Variants in KCNQ5 observed in about 807,000 individuals in gnomAD.
KCNQ5 encodes potassium voltage-gated channel subfamily Q member 5.
Under a neutral mutation model 98.2 loss-of-function variants are expected in KCNQ5, and 30 were observed. The ratio of observed to expected loss-of-function variants is 0.31; its 90% CI spans 0.23 to 0.41. KCNQ5 has a LOEUF of 0.41. Among genes scored for constraint, KCNQ5 ranks in the 10% least tolerant of loss-of-function variants. The pLI is 1.00. For synonymous variants in KCNQ5, 458 were observed against 449.4 expected (o/e 1.02, Z -0.24); for missense variants, 835 against 1,182.5 (o/e 0.71, Z 4.31).
chr6:72,920,596 AT>A (rs1214555488), intron 1 of KCNQ5, among the ~76,000 whole-genome samples: 1 of 151,944 alleles, frequency 6.6e-6, no homozygotes, highest in Non-Finnish European at 1.5e-5. Flanking sequence ...AACCTTTAAC[AT>A]TTTTCTGACA....
At chr6:72,979,489 G>C (rs562093597) in intron 1 of KCNQ5, among the ~76,000 whole-genome samples, 31 of 152,276 alleles carry the variant, frequency 2.0e-4, no homozygotes, top group Non-Finnish European at 3.7e-4. Flanking sequence ...AGAAGTGTCT[G>C]TTCATATCCT....
chr6:72,689,847 G>A (rs1768127488), intron 1 of KCNQ5, among the ~76,000 whole-genome samples: 1 of 151,172 alleles, frequency 6.6e-6, no homozygotes, highest in Admixed American at 6.6e-5. Context: ...CCCATAGTAA[G>A]TTGACAGTAA....
intron 1 of KCNQ5, among the ~76,000 whole-genome samples, chr6:72,973,050 TC>T (rs1328581495): frequency 2.0e-5 from 3 of 152,126 alleles, no homozygotes; most frequent in African/African-American, 7.2e-5. Flanking sequence ...GTTCACTAAA[TC>T]AAACTGAAAA....
intron 2 of KCNQ5, among the ~76,000 whole-genome samples, chr6:73,021,605 G>T (rs1770609430): frequency 6.6e-6 from 1 of 152,134 alleles, no homozygotes; most frequent in Non-Finnish European, 1.5e-5. Flanking sequence ...TCAGTGCCTG[G>T]AGCAAAAGAG....
intron 1 of KCNQ5, among the ~76,000 whole-genome samples, chr6:72,818,177 A>G (rs181354092): frequency 1.3e-5 from 2 of 152,320 alleles, no homozygotes; most frequent in Admixed American, 1.3e-4. Flanking sequence ...ATTCACACAT[A>G]CTTATTTAAA....
chr6:72,806,552 G>A (rs983767215), intron 1 of KCNQ5, among the ~76,000 whole-genome samples: 1 of 152,142 alleles, frequency 6.6e-6, no homozygotes, highest in Non-Finnish European at 1.5e-5. Flanking sequence ...AGCAACAGAC[G>A]AAGTAAGGCA....
intron 1 of KCNQ5, among the ~76,000 whole-genome samples, chr6:72,670,569 T>A (rs1440745879): frequency 6.6e-6 from 1 of 152,208 alleles, no homozygotes; most frequent in Admixed American, 6.5e-5. Flanking sequence ...AATGCCATAG[T>A]GGTATTAAAC....
chr6:72,702,629 A>G (rs991755899), intron 1 of KCNQ5, among the ~76,000 whole-genome samples: 1 of 152,190 alleles, frequency 6.6e-6, no homozygotes, highest in Non-Finnish European at 1.5e-5. Flanking sequence ...GAAGCATCAG[A>G]TAAGTTGTGA....
chr6:72,636,662 C>A (rs990572385), intron 1 of KCNQ5, among the ~76,000 whole-genome samples: 2 of 152,092 alleles, frequency 1.3e-5, no homozygotes, highest in Non-Finnish European at 2.9e-5. Flanking sequence ...TATAATTCTT[C>A]AATGTTTGTT....
At chr6:72,792,948 A>C (rs1013004797) in intron 1 of KCNQ5, among the ~76,000 whole-genome samples, 55 of 152,334 alleles carry the variant, frequency 3.6e-4, no homozygotes, top group African/African-American at 1.2e-3. Flanking sequence ...TTGTTCTAAA[A>C]AGTCTCCATG....
intron 10 of KCNQ5, 123 bp from the exon 11 acceptor site, chr6:73,169,623 A>T: frequency 1.4e-6 from 1 of 695,950 alleles, no homozygotes; most frequent in Non-Finnish European, 2.6e-6. Flanking sequence ...GGCTGACCTT[A>T]TACATATCTT....
In KCNQ5 at chr6:73,194,435, A is replaced by G; in HGVS notation, c.1837-17A>G. On this transcript the variant is annotated splice_polypyrimidine_tract_variant and intron_variant, in intron 13 of 13. Transcript: ENST00000370398. ...TAACAGATTATACTCATGTGTAACC[A>G]TTTTCCTCACTTCTAGGTACAGTCC... is the stretch of plus-strand genomic sequence containing the variant. 2 of 1,589,256 alleles carry G rather than the reference A, an allele frequency of 1.3e-6. No individual in the cohort carries two copies. Among genetic ancestry groups the G allele is most frequent in the East Asian group, 2.2e-5 (1 of 44,450 alleles).
chr6:72,803,101 A>G (rs1182145436), intron 1 of KCNQ5, among the ~76,000 whole-genome samples: 2 of 152,136 alleles, frequency 1.3e-5, no homozygotes, highest in African/African-American at 4.8e-5. Flanking sequence ...TGAGGCAACC[A>G]TGGAGTTCAG....
At chr6:72,944,920 A>G (rs1766466254) in intron 1 of KCNQ5, among the ~76,000 whole-genome samples, 2 of 152,216 alleles carry the variant, frequency 1.3e-5, no homozygotes, top group Non-Finnish European at 2.9e-5. Context: ...TGAAAGCCAC[A>G]AGTTCCAAAA....
chr6:73,022,475 A>G (rs1770651780), intron 2 of KCNQ5, among the ~76,000 whole-genome samples: 1 of 152,070 alleles, frequency 6.6e-6, no homozygotes, highest in South Asian at 2.1e-4. Flanking sequence ...GTCCTCATCT[A>G]GCACATGCCT....
At chr6:72,786,802 T>G (rs945330787) in intron 1 of KCNQ5, among the ~76,000 whole-genome samples, 1 of 151,632 alleles carries the variant, frequency 6.6e-6, no homozygotes, top group Non-Finnish European at 1.5e-5. Flanking sequence ...GTCAGGAGAT[T>G]GAGACCATCC....
At position 72,985,355 on chromosome 6, in the gene KCNQ5, C is replaced by T. The variant is rs193202345; in HGVS notation, c.399-18553C>T. ...CATGTAACTAACAGCATATTTTTAA[C>T]AGTTTAAAAAACCACAGTCATCAAG... On this transcript the variant is annotated intron_variant, in intron 1 of 13. Coordinates refer to ENST00000370398, the MANE Select transcript of KCNQ5 (RefSeq NM_019842.4). 1.8e-3 allele frequency among the ~76,000 whole-genome samples: 273 copies of T among 152,328 alleles called. 1 individual carries two copies. Among genetic ancestry groups the T allele is most frequent in the Non-Finnish European group, 2.2e-3 (153 of 68,028 alleles).
chr6:72,931,542 A>G (rs1765693615), intron 1 of KCNQ5, among the ~76,000 whole-genome samples: 1 of 152,180 alleles, frequency 6.6e-6, no homozygotes, highest in Non-Finnish European at 1.5e-5. Context: ...CCTGGAAAGC[A>G]TATGGACAAG....
intron 1 of KCNQ5, among the ~76,000 whole-genome samples, chr6:72,685,608 A>C (rs1767911426): frequency 6.6e-6 from 1 of 152,148 alleles, no homozygotes; most frequent in Non-Finnish European, 1.5e-5. Flanking sequence ...TTATCATATC[A>C]TACACACTGT....
Sources: gnomAD v4.1 joint callset for allele counts (sites outside exome capture counted in the v4.1 genomes callset) on GRCh38, gnomAD v4.1.1 for gene constraint, MANE v1.5 for transcripts, NCBI Gene and HGNC (gene_info 2026-07-23, HGNC 2026-07-21) for gene names.